The following EFR3B variants were observed in gnomAD, a reference collection of about 807,000 sequenced individuals.
The protein encoded by EFR3B is EFR3 homolog B, also known as protein EFR3 homolog B.
EFR3B carries 64 observed loss-of-function variants against 104.7 expected under a neutral mutation model. The ratio of observed to expected loss-of-function variants is 0.61; its 90% confidence interval spans 0.50 to 0.75. The LOEUF is 0.75. EFR3B is among the 30% of genes least tolerant of loss of function. The pLI, the probability that EFR3B is intolerant of heterozygous loss-of-function variation, is 0.00. For missense variants in EFR3B, 750 were observed against 1,078.5 expected (o/e 0.70, Z 4.27); for synonymous variants, 385 against 417.9 (o/e 0.92, Z 0.96).
chr2:25,143,592 G>A lies in EFR3B; in HGVS notation c.1923-143G>A, dbSNP rs113492299. On this transcript the variant is annotated intron_variant, in intron 17 of 22. Transcript: ENST00000403714. The stretch of plus-strand genomic sequence containing the variant: ...GGAGAATCGCTTGAACCTGGAAGGC[G>A]GAGGTTGCAATGAGCCGAGATCGCA... The A allele has an allele frequency of 7.2e-5, 72 of 1,006,122 alleles. No homozygotes were observed. The African/African-American group carries it at 8.1e-4, about 11-fold the overall frequency. The allele number at this position is 1,006,122 out of a possible 1,614,324, so 62.3% of individuals were successfully genotyped here.
At chr2:25,129,186 C>G (rs1670254957) in intron 6 of EFR3B, among the ~76,000 whole-genome samples, 2 of 151,844 alleles carry the variant, frequency 1.3e-5, no homozygotes, top group African/African-American at 2.4e-5. Flanking sequence ...ATTCCTGTCC[C>G]TGCACCCTCA....
chr2:25,150,941 C>G (rs1392769827), intron 20 of EFR3B, among the ~76,000 whole-genome samples: 1 of 151,864 alleles, frequency 6.6e-6, no homozygotes, highest in Non-Finnish European at 1.5e-5. Context: ...GAGTATGGGC[C>G]AGGCATGGTG....
At chr2:25,054,383 A>G (rs766522700) in intron 1 of EFR3B, among the ~76,000 whole-genome samples, 3 of 151,632 alleles carry the variant, frequency 2.0e-5, no homozygotes, top group Non-Finnish European at 4.4e-5. Context: ...GTACAGTGGC[A>G]TGATCTCACC....
chr2:25,071,047 G>A (rs986612382), intron 1 of EFR3B, among the ~76,000 whole-genome samples: 6 of 151,420 alleles, frequency 4.0e-5, no homozygotes, highest in East Asian at 1.9e-4. Flanking sequence ...TGCAAGCTCC[G>A]CCTCCCGGGT....
chr2:25,144,176 C>T (rs1277513680), intron 18 of EFR3B, among the ~76,000 whole-genome samples: 1 of 152,226 alleles, frequency 6.6e-6, no homozygotes, highest in East Asian at 1.9e-4. Context: ...GTGCAACTTA[C>T]TGCCTGAAAG....
At chr2:25,093,970 A>T (rs1478478507) in intron 3 of EFR3B, among the ~76,000 whole-genome samples, 13 of 152,192 alleles carry the variant, frequency 8.5e-5, no homozygotes, top group Admixed American at 4.6e-4. Context: ...CTGTTGAAAA[A>T]TTTAAATATT....
intron 1 of EFR3B, among the ~76,000 whole-genome samples, chr2:25,052,203 T>A (rs1366427091): frequency 6.6e-6 from 1 of 151,462 alleles, no homozygotes; most frequent in East Asian, 2.0e-4. Context: ...TCTCAAAAAA[T>A]AAAAATAAAT....
chr2:25,093,225 T>G (rs976769444), intron 3 of EFR3B, 95 bp downstream of exon 3: 75 of 1,465,000 alleles, frequency 5.1e-5, no homozygotes, highest in Non-Finnish European at 6.6e-5. Context: ...CCAGGCAGAG[T>G]GGCTCACGCC....
intron 3 of EFR3B, among the ~76,000 whole-genome samples, chr2:25,097,263 C>T (rs1669305927): frequency 6.6e-6 from 1 of 152,206 alleles, no homozygotes; most frequent in Non-Finnish European, 1.5e-5. Flanking sequence ...TCACTGAGGG[C>T]TTTGTTCCTA....
intron 3 of EFR3B, among the ~76,000 whole-genome samples, chr2:25,096,656 T>A (rs1669284127): frequency 6.6e-6 from 1 of 152,156 alleles, no homozygotes; most frequent in Non-Finnish European, 1.5e-5. Flanking sequence ...TGGCTGGCTC[T>A]GTGGGTCTTT....
intron 3 of EFR3B, among the ~76,000 whole-genome samples, chr2:25,097,955 T>C (rs1234184229): frequency 6.6e-6 from 1 of 152,124 alleles, no homozygotes; most frequent in Non-Finnish European, 1.5e-5. Context: ...CGGATGGAGA[T>C]GGCCATGCCA....
At chr2:25,152,136 C>T in intron 21 of EFR3B, 116 bp downstream of exon 21, 2 of 975,608 alleles carry the variant, frequency 2.0e-6, no homozygotes, top group South Asian at 3.2e-5. Flanking sequence ...ACCTCCCCCA[C>T]CCCCACCCTG....
In EFR3B at chr2:25,155,171, G is replaced by A. The variant is rs1051400081; in HGVS notation, c.*831G>A. On this transcript the variant is annotated 3_prime_UTR_variant, in exon 23 of 23. Transcript: ENST00000403714. The stretch of plus-strand genomic sequence containing the variant: ...AAGGTGTTCCTGGAGCTTCTGGGTT[G>A]AGGAAAGGCAGAGCAAGATAATCTT... The A allele has an allele frequency of 4.6e-5, 7 of 152,216 alleles. No homozygotes were observed. The highest frequency in any genetic ancestry group is 7.3e-5 in the Non-Finnish European group (5 of 68,086). The allele number at this position is 152,216 out of a possible 1,614,324, so 9.4% of individuals were successfully genotyped here.
intron 1 of EFR3B, among the ~76,000 whole-genome samples, chr2:25,063,794 A>G (rs1668260613): frequency 6.6e-6 from 1 of 152,186 alleles, no homozygotes; most frequent in Admixed American, 6.5e-5. Context: ...CACCCTCTCC[A>G]GGGGCCTGAG....
chr2:25,147,196 T>C (rs952536304), intron 19 of EFR3B: 7 of 152,260 alleles, frequency 4.6e-5, no homozygotes. Flanking sequence ...CCTTCTCTCT[T>C]GCCCAGAGAG....
chr2:25,111,461 T>C (rs1669723811), intron 4 of EFR3B, among the ~76,000 whole-genome samples: 1 of 152,152 alleles, frequency 6.6e-6, no homozygotes, highest in Non-Finnish European at 1.5e-5. Context: ...TCCTCAGGCC[T>C]GTCACTCCAC....
At chr2:25,061,270 C>A (rs1037016338) in intron 1 of EFR3B, among the ~76,000 whole-genome samples, 1 of 151,740 alleles carries the variant, frequency 6.6e-6, no homozygotes, top group East Asian at 2.0e-4. Context: ...TGTGCCACCA[C>A]GTCCAGCTAA....
At chr2:25,103,570 G>C in intron 3 of EFR3B, 67 bp from the exon 4 acceptor site, 1 of 1,512,636 alleles carries the variant, frequency 6.6e-7, no homozygotes, top group Non-Finnish European at 8.9e-7. Flanking sequence ...CTGACACCTT[G>C]CATGCCCTGG....
At chr2:25,085,943 T>C (rs1053413200) in intron 1 of EFR3B, among the ~76,000 whole-genome samples, 1 of 151,936 alleles carries the variant, frequency 6.6e-6, no homozygotes, top group Admixed American at 6.6e-5. Context: ...TTGGGGACTG[T>C]GGCTCTGCTC....
Sources: allele counts gnomAD v4.1 joint callset (sites outside exome capture counted in the v4.1 genomes callset), GRCh38; gene constraint gnomAD v4.1.1; transcripts MANE v1.5; gene names NCBI Gene and HGNC (gene_info 2026-07-23, HGNC 2026-07-21).